FAM98A: variants seen among roughly 807,000 people sequenced by gnomAD.
FAM98A encodes tRNA splicing ligase complex subunit 3A.
A neutral mutation model predicts 62.9 loss-of-function variants in FAM98A; 25 were observed. The observed-to-expected ratio is 0.40, with a 90% confidence interval of 0.29 to 0.56. The LOEUF (loss-of-function observed/expected upper bound fraction) is 0.56, where lower values mean the gene tolerates loss of function less well. FAM98A is among the 20% of genes least tolerant of loss of function. The probability of loss-of-function intolerance (pLI) is 0.51; values close to 1 mark genes in which losing one functional copy is unlikely to be tolerated. For missense variants in FAM98A, 653 were observed against 640.7 expected (o/e 1.02, Z -0.21); for synonymous variants, 252 against 228.6 (o/e 1.10, Z -0.92).
rs748828208 is a variant in FAM98A, at chr2:33,584,952, G to A, written c.1381C>T (p.Arg461Cys). ...GGHHGDRGGG[R>C]GGRGGRGGRG... ...CCTCCACGACCACCTCGCCCACCACGACCACCACCACGATCACCATGGTGC... is the reference window on the plus strand; with the variant it reads ...CCTCCACGACCACCTCGCCCACCACAACCACCACCACGATCACCATGGTGC... The change falls in exon 8 of 8, where the codon CGT (arginine) becomes TGT (cysteine). Residue 461 changes from arginine to cysteine, a missense_variant. Physicochemically the swap from Arg to Cys is radical, Grantham distance 180 (BLOSUM62 -3). Coordinates refer to ENST00000238823, the MANE Select transcript of FAM98A (RefSeq NM_015475.5). The A allele has an allele frequency of 8.1e-6, 13 of 1,613,280 alleles. No homozygotes were observed. Among genetic ancestry groups the A allele is most frequent in the South Asian group, 1.1e-5 (1 of 91,018 alleles).
intron 3 of FAM98A, 24 bp downstream of exon 3, chr2:33,592,056 A>G: frequency 6.2e-7 from 1 of 1,602,064 alleles, no homozygotes; most frequent in Non-Finnish European, 8.5e-7. Flanking sequence ...AGTAATAGCT[A>G]TATTCTAGTA....
chr2:33,595,721 T>C (rs2151147409), intron 1 of FAM98A, 84 bp from the exon 2 acceptor site: 1 of 921,452 alleles, frequency 1.1e-6, no homozygotes. Context: ...GTCTTATTTA[T>C]ATAAGCAATA....
chr2:33,588,421 A>C lies in FAM98A; in HGVS notation c.436T>G (p.Leu146Val). ...CCTAGAGCAATACATATGCCTTTCA[A>C]CTCTTGAAAGACCTCACTACCGCCT... Reference protein sequence around the residue: ...EGGGSEVFQELKGICIALGMS... With the variant: ...EGGGSEVFQEVKGICIALGMS... Residue 146 changes from leucine (L) to valine (V), a missense_variant, in exon 4 of 8, where the codon TTG (leucine) becomes GTG (valine). Coordinates refer to ENST00000238823, the MANE Select transcript of FAM98A (RefSeq NM_015475.5). The C allele has an allele frequency of 6.2e-7, 1 of 1,613,744 alleles. No homozygotes were observed. Among genetic ancestry groups the C allele is most frequent in the Non-Finnish European group, 8.5e-7 (1 of 1,179,780 alleles).
In FAM98A at chr2:33,584,152, T is replaced by C. The variant is rs1051780680; in HGVS notation, c.*624A>G. 1 of 152,632 alleles carries C rather than the reference T, an allele frequency of 6.6e-6. No individual in the cohort carries two copies. Among genetic ancestry groups the C allele is most frequent in the African/African-American group, 2.4e-5 (1 of 41,438 alleles). 9.5% of individuals were successfully genotyped at this position (152,632 alleles called of 1,614,324 possible). ...ATAATCTTTATGGATTTTGGCCGTGTTCAAGGTTTTCAGAGTTGAGCATAT... is the reference window on the plus strand; with the variant it reads ...ATAATCTTTATGGATTTTGGCCGTGCTCAAGGTTTTCAGAGTTGAGCATAT... On this transcript the variant is annotated 3_prime_UTR_variant, in exon 8 of 8. Transcript: ENST00000238823.
intron 1 of FAM98A, among the ~76,000 whole-genome samples, 161 bp downstream of exon 1, chr2:33,599,008 C>T (rs1208582167): frequency 6.6e-6 from 1 of 152,096 alleles, no homozygotes; most frequent in Non-Finnish European, 1.5e-5. Flanking sequence ...GCAGTGCAGA[C>T]AGTGGACGTG....
intron 5 of FAM98A, 45 bp downstream of exon 5, chr2:33,587,195 C>T (rs1374245365): frequency 8.3e-7 from 1 of 1,206,430 alleles, no homozygotes; most frequent in Non-Finnish European, 1.2e-6. Context: ...AAATCATAAA[C>T]TCTATAGTTC....
chr2:33,595,759 CT>C, intron 1 of FAM98A, 122 bp from the exon 2 acceptor site: 1 of 635,540 alleles, frequency 1.6e-6, no homozygotes. Flanking sequence ...TAGTACTTAT[CT>C]TTATTTTAAA....
chr2:33,586,465 A>G (rs934402874), intron 6 of FAM98A, 97 bp downstream of exon 6: 7 of 765,618 alleles, frequency 9.1e-6, no homozygotes, highest in African/African-American at 5.2e-5. Flanking sequence ...TGTGTCTTCT[A>G]TGTACTTCTC....
intron 2 of FAM98A, 29 bp downstream of exon 2, chr2:33,595,460 T>C (rs373373891): frequency 6.3e-7 from 1 of 1,579,992 alleles, no homozygotes; most frequent in African/African-American, 1.4e-5. Flanking sequence ...ATTTTTATAC[T>C]TTGTACCTAA....
chr2:33,590,389 G>T (rs1677645091), intron 3 of FAM98A, among the ~76,000 whole-genome samples: 1 of 152,090 alleles, frequency 6.6e-6, no homozygotes, highest in Non-Finnish European at 1.5e-5. Flanking sequence ...AAGTTAGTGA[G>T]GTAAGGGTGC....
rs1677507871 is a variant in FAM98A at position 33,585,081 on chromosome 2, A to T, written c.1252T>A (p.Tyr418Asn). 6.2e-7 allele frequency: 1 copy of T among 1,614,042 alleles called. No homozygotes were observed. The highest frequency in any genetic ancestry group is 8.5e-7 in the Non-Finnish European group (1 of 1,180,032). Residue 418 changes from tyrosine (Y) to asparagine (N), a missense_variant, in exon 8 of 8, where the codon TAT becomes AAT. Coordinates refer to ENST00000238823, the MANE Select transcript of FAM98A (RefSeq NM_015475.5). ...AAGCCACCATAACCTCCGCCTTGATAGCCACCACTGCTGTGGCCACCATGA... is the reference window on the plus strand; with the variant it reads ...AAGCCACCATAACCTCCGCCTTGATTGCCACCACTGCTGTGGCCACCATGA... ...GYHGGHSSGGYQGGGYGGFQT... is the reference protein window; with the variant it reads ...GYHGGHSSGGNQGGGYGGFQT...
chr2:33,585,322 T>G lies in FAM98A; in HGVS notation c.1011A>C (p.Gly337=). Residue 337 remains glycine, a synonymous_variant, in exon 8 of 8, where the codon GGA becomes GGC. Transcript: ENST00000238823. ...DGPQQQTGGR[G]GGRGGYEHSS... is the part of the protein sequence containing the mutation. ...AATGTTCATAGCCACCTCTCCCTCC[T>G]CCTCGGCCTCCTGTTTGCTGCTGGG... 1 of 1,613,998 alleles carries G rather than the reference T, an allele frequency of 6.2e-7. No homozygotes were observed. The highest frequency in any genetic ancestry group is 8.5e-7 in the Non-Finnish European group (1 of 1,179,984).
intron 1 of FAM98A, 45 bp downstream of exon 1, chr2:33,599,124 G>T (rs1449320609): frequency 6.5e-7 from 1 of 1,544,648 alleles, no homozygotes; most frequent in African/African-American, 1.4e-5. Context: ...TTCCCAGGGG[G>T]CCGGCAGCGT....
chr2:33,585,040 T>A lies in FAM98A; in HGVS notation c.1293A>T (p.Ser431=). Residue 431 remains serine, a synonymous_variant, in exon 8 of 8, where the codon TCA becomes TCT. Transcript: ENST00000238823. The part of the protein sequence containing the change: ...GGYGGFQTSS[S]YTGSGYQGGG... ...CACCCTGGTATCCACTTCCTGTATA[T>A]GAAGAAGATGTTTGGAAGCCACCAT... 1.9e-6 allele frequency: 3 copies of A among 1,614,016 alleles called. No individual in the cohort carries two copies. The highest frequency in any genetic ancestry group is 2.5e-6 in the Non-Finnish European group (3 of 1,180,000).
intron 6 of FAM98A, among the ~76,000 whole-genome samples, chr2:33,586,065 C>A (rs1208621562): frequency 6.6e-6 from 1 of 152,098 alleles, no homozygotes; most frequent in Non-Finnish European, 1.5e-5. Context: ...AACAATTTTG[C>A]TTTTTAATTT....
chr2:33,585,515 A>C lies in FAM98A; in HGVS notation c.888+15T>G. On this transcript the variant is annotated intron_variant, in intron 7 of 7. Coordinates refer to ENST00000238823, the MANE Select transcript of FAM98A (RefSeq NM_015475.5). ...AATAAATGCATTTGGAAAAAATTAA[A>C]GGTACTCTAATCACCTTATTGATGG... 6.2e-7 allele frequency: 1 copy of C among 1,613,982 alleles called. No individual in the cohort carries two copies.
intron 2 of FAM98A, among the ~76,000 whole-genome samples, chr2:33,594,068 T>C (rs1161746656): frequency 6.6e-6 from 1 of 152,200 alleles, no homozygotes; most frequent in East Asian, 1.9e-4. Context: ...TGTATTTAAA[T>C]TCTCTGGGCT....
intron 2 of FAM98A, among the ~76,000 whole-genome samples, chr2:33,592,812 C>T (rs910266587): frequency 1.3e-5 from 2 of 152,162 alleles, no homozygotes; most frequent in African/African-American, 4.8e-5. Flanking sequence ...GTTTGTTCTT[C>T]CTAGCATATT....
chr2:33,585,107 T>C lies in FAM98A; in HGVS notation c.1226A>G (p.Tyr409Cys), dbSNP rs1373084172. The change falls in exon 8 of 8, where the codon TAT becomes TGT. Residue 409 changes from tyrosine (Y) to cysteine (C), a missense_variant. Coordinates refer to ENST00000238823, the MANE Select transcript of FAM98A (RefSeq NM_015475.5). ...YRDSGFQPGG[Y>C]HGGHSSGGYQ... ...GCCACCACTGCTGTGGCCACCATGA[T>C]AGCCACCTGGCTGGAAACCTGAATC... The C allele has an allele frequency of 3.1e-6, 5 of 1,614,182 alleles. No individual in the cohort carries two copies. The highest frequency in any genetic ancestry group is 1.1e-5 in the South Asian group (1 of 91,078).
Sources: gnomAD v4.1 joint callset for allele counts (sites outside exome capture counted in the v4.1 genomes callset) on GRCh38, gnomAD v4.1.1 for gene constraint, MANE v1.5 for transcripts, NCBI Gene and HGNC (gene_info 2026-07-23, HGNC 2026-07-21) for gene names.